CNTNAP2: variants seen among roughly 807,000 people sequenced by gnomAD.
CNTNAP2 encodes contactin-associated protein-like 2.
CNTNAP2 carries 98 observed loss-of-function variants against 155.2 expected under a neutral mutation model. The observed-to-expected ratio is 0.63, with a 90% CI of 0.54 to 0.75. The LOEUF is 0.75. Ranked by LOEUF, CNTNAP2 falls within the 30% of genes least tolerant of loss-of-function variation. CNTNAP2 has a pLI of 0.00. For missense variants in CNTNAP2, 1,727 were observed against 1,688.1 expected (o/e 1.02, Z -0.40); for synonymous variants, 651 against 631.2 (o/e 1.03, Z -0.47).
rs73744787 is a variant in CNTNAP2, at chr7:148,205,581, T to G, written c.3011-11707T>G. Among the ~76,000 whole-genome samples the G allele has an allele frequency of 8.8e-3, 1,345 of 152,352 alleles. 21 individuals are homozygous for G. The highest frequency in any genetic ancestry group is 0.03 in the African/African-American group (1,246 of 41,578). ...TTTCATTCTTTTGGATATATTATTC[T>G]AAATGCATCTTATAACATTTTCATT... On this transcript the variant is annotated intron_variant, in intron 18 of 23. Coordinates refer to ENST00000361727, the MANE Select transcript of CNTNAP2 (RefSeq NM_014141.6).
In CNTNAP2 at chr7:147,723,493, C is replaced by T. The variant is rs551646701; in HGVS notation, c.2098+84187C>T. ...TCAGTACTATTAAGTTCATCTTCAT[C>T]GGGACATTGGTAAGGAAAGGCGTGT... On this transcript the variant is annotated intron_variant, in intron 13 of 23. Coordinates refer to ENST00000361727, the MANE Select transcript of CNTNAP2 (RefSeq NM_014141.6). 5.3e-5 allele frequency among the ~76,000 whole-genome samples: 8 copies of T among 151,994 alleles called. No individual in the cohort carries two copies. In the South Asian group the frequency reaches 6.2e-4, roughly 12 times the overall value.
At chr7:146,753,067 A>G (rs1208694922) in intron 1 of CNTNAP2, among the ~76,000 whole-genome samples, 1 of 152,182 alleles carries the variant, frequency 6.6e-6, no homozygotes, top group Non-Finnish European at 1.5e-5. Flanking sequence ...TTCTGACCAA[A>G]GCTTCATCCT....
intron 18 of CNTNAP2, among the ~76,000 whole-genome samples, chr7:148,187,241 A>G (rs1164997765): frequency 6.6e-6 from 1 of 152,194 alleles, no homozygotes; most frequent in Non-Finnish European, 1.5e-5. Flanking sequence ...TGCCACCCAC[A>G]CACCGTATCC....
At chr7:148,400,237 T>C (rs532244726) in intron 22 of CNTNAP2, among the ~76,000 whole-genome samples, 5 of 152,344 alleles carry the variant, frequency 3.3e-5, no homozygotes, top group Admixed American at 3.3e-4. Context: ...CCTGCATGCA[T>C]AGGAAGTGAC....
intron 21 of CNTNAP2, among the ~76,000 whole-genome samples, chr7:148,330,113 G>GTGGATGGATGGAA (rs71188970): frequency 0.96 from 141,456 of 147,764 alleles, 67,719 homozygotes; most frequent in East Asian, 0.99. Context: ...GATAGATGGA[G>GTGGATGGATGGAA]TGGATGGATG....
chr7:147,314,746 A>T (rs932332435), intron 9 of CNTNAP2, among the ~76,000 whole-genome samples: 2 of 151,296 alleles, frequency 1.3e-5, no homozygotes, highest in Non-Finnish European at 3.0e-5. Flanking sequence ...ACATGATTTT[A>T]GGTTTAATAT....
chr7:147,054,695 G>A (rs749613228), intron 4 of CNTNAP2, among the ~76,000 whole-genome samples: 3 of 151,956 alleles, frequency 2.0e-5, no homozygotes, highest in Non-Finnish European at 4.4e-5. Flanking sequence ...GGCAGTAATT[G>A]TCCTCATGAA....
intron 1 of CNTNAP2, among the ~76,000 whole-genome samples, chr7:146,542,350 A>G (rs1797965496): frequency 6.6e-6 from 1 of 152,016 alleles, no homozygotes; most frequent in Non-Finnish European, 1.5e-5. Flanking sequence ...AGCAAACCAC[A>G]CAAGAATCAC....
intron 1 of CNTNAP2, among the ~76,000 whole-genome samples, chr7:146,223,073 T>G (rs1799234688): frequency 6.6e-6 from 1 of 152,130 alleles, no homozygotes; most frequent in African/African-American, 2.4e-5. Flanking sequence ...TGTAATCATT[T>G]TATACACACT....
intron 1 of CNTNAP2, among the ~76,000 whole-genome samples, chr7:146,488,656 C>T (rs970831337): frequency 6.6e-6 from 1 of 152,016 alleles, no homozygotes; most frequent in African/African-American, 2.4e-5. Context: ...GAGACAGGGT[C>T]TCACTCTGTT....
chr7:146,659,274 G>C (rs916931456), intron 1 of CNTNAP2, among the ~76,000 whole-genome samples: 2 of 152,158 alleles, frequency 1.3e-5, no homozygotes, highest in Non-Finnish European at 2.9e-5. Context: ...AGGATATATA[G>C]AGATAACCAA....
At chr7:147,991,989 G>C (rs1383482363) in intron 15 of CNTNAP2, among the ~76,000 whole-genome samples, 1 of 150,212 alleles carries the variant, frequency 6.7e-6, no homozygotes, top group Non-Finnish European at 1.5e-5. Context: ...GCTTCTTCTT[G>C]AAGTTTGCTG....
chr7:146,191,237 G>T (rs1356419111), intron 1 of CNTNAP2, among the ~76,000 whole-genome samples: 1 of 151,928 alleles, frequency 6.6e-6, no homozygotes, highest in Non-Finnish European at 1.5e-5. Context: ...GTGTCCAGGG[G>T]GGACATCATA....
intron 9 of CNTNAP2, among the ~76,000 whole-genome samples, chr7:147,323,593 C>T (rs1471899133): frequency 6.6e-6 from 1 of 151,638 alleles, no homozygotes; most frequent in Non-Finnish European, 1.5e-5. Flanking sequence ...TCTATTAGGT[C>T]CGCTTGGTGC....
intron 1 of CNTNAP2, among the ~76,000 whole-genome samples, chr7:146,521,453 C>CT (rs1042015448): frequency 2.0e-5 from 3 of 151,794 alleles, no homozygotes; most frequent in Middle Eastern, 3.4e-3. Context: ...GAATAATTTA[C>CT]TTTTTTTTCC....
chr7:146,620,103 C>T (rs1799292857), intron 1 of CNTNAP2, among the ~76,000 whole-genome samples: 2 of 152,096 alleles, frequency 1.3e-5, no homozygotes, highest in South Asian at 2.1e-4. Context: ...CACTGGGATG[C>T]TTTTCCACAA....
At chr7:148,309,871 G>T (rs147353350) in intron 21 of CNTNAP2, among the ~76,000 whole-genome samples, 1,553 of 152,194 alleles carry the variant, frequency 0.01, 11 homozygotes, top group Non-Finnish European at 0.016. Context: ...TGAAATAGTG[G>T]TAAAGTGTTG....
At chr7:148,280,997 A>G (rs1796965325) in intron 21 of CNTNAP2, among the ~76,000 whole-genome samples, 1 of 152,138 alleles carries the variant, frequency 6.6e-6, no homozygotes, top group African/African-American at 2.4e-5. Flanking sequence ...GGAGCCATTT[A>G]TTCATGGGAT....
chr7:146,941,864 G>T (rs1048934664), intron 3 of CNTNAP2, among the ~76,000 whole-genome samples: 1 of 151,724 alleles, frequency 6.6e-6, no homozygotes, highest in Non-Finnish European at 1.5e-5. Context: ...CTCCAGTTAG[G>T]TATATTGGAA....
Sources: allele counts gnomAD v4.1 joint callset (sites outside exome capture counted in the v4.1 genomes callset), GRCh38; gene constraint gnomAD v4.1.1; transcripts MANE v1.5; gene names NCBI Gene and HGNC (gene_info 2026-07-23, HGNC 2026-07-21).